ORC4: variants seen among roughly 807,000 people sequenced by gnomAD.
ORC4 encodes the protein origin recognition complex subunit 4, also known as origin recognition complex, subunit 4 homolog.
Under a neutral mutation model 63.9 loss-of-function variants are expected in ORC4, and 55 were observed. That is an observed-to-expected ratio of 0.86 (90% CI 0.69 to 1.08). The LOEUF (loss-of-function observed/expected upper bound fraction) is 1.08, where lower values mean the gene tolerates loss of function less well. Ranked by LOEUF, ORC4 falls within the 50% of genes least tolerant of loss-of-function variation. The pLI is 0.00. For missense variants in ORC4, 511 were observed against 504.4 expected, an observed-to-expected ratio of 1.01 and a Z score of -0.13; for synonymous variants, 150 against 168.5, an observed-to-expected ratio of 0.89 and a Z score of 0.85.
chr2:147,983,952 A>G (rs1396230100), intron 1 of ORC4, among the ~76,000 whole-genome samples: 1 of 152,234 alleles, frequency 6.6e-6, no homozygotes, highest in Non-Finnish European at 1.5e-5. Context: ...GATGCAGAAC[A>G]GTGCCAGAAA....
At chr2:148,010,782 C>G (rs908075823) in intron 1 of ORC4, among the ~76,000 whole-genome samples, 1 of 151,864 alleles carries the variant, frequency 6.6e-6, no homozygotes, top group Non-Finnish European at 1.5e-5. Flanking sequence ...TAACATCAAT[C>G]CTACTCAAAT....
intron 1 of ORC4, among the ~76,000 whole-genome samples, chr2:148,000,516 A>G: frequency 6.6e-6 from 1 of 152,150 alleles, no homozygotes. Context: ...TATAAATATA[A>G]TACCACAGAA....
chr2:147,973,654 T>A (rs985525242), intron 2 of ORC4, 130 bp from the exon 3 acceptor site: 26 of 596,990 alleles, frequency 4.4e-5, no homozygotes, highest in African/African-American at 3.8e-4. Context: ...TAAATTCTTA[T>A]CCTCTAGAGT....
chr2:148,013,219 C>A (rs1693080469), intron 1 of ORC4, among the ~76,000 whole-genome samples: 2 of 151,794 alleles, frequency 1.3e-5, no homozygotes, highest in South Asian at 4.2e-4. Flanking sequence ...AAATGTGGTA[C>A]ATATACACAA....
At chr2:147,987,925 C>T (rs576926591) in intron 1 of ORC4, among the ~76,000 whole-genome samples, 15 of 151,704 alleles carry the variant, frequency 9.9e-5, no homozygotes, top group Admixed American at 2.0e-4. Flanking sequence ...TGGTGGCCGG[C>T]GCCTATAGTC....
chr2:147,993,191 G>A (rs575160927), intron 1 of ORC4, among the ~76,000 whole-genome samples: 5 of 152,110 alleles, frequency 3.3e-5, no homozygotes, highest in East Asian at 1.9e-4. Flanking sequence ...CCCATGTCAC[G>A]TAACACCAAG....
intron 1 of ORC4, among the ~76,000 whole-genome samples, chr2:147,995,286 T>C (rs1459597857): frequency 4.0e-5 from 6 of 150,460 alleles, no homozygotes; most frequent in Admixed American, 2.0e-4. Flanking sequence ...AGCTAAAGGA[T>C]TGTAAATGCA....
In ORC4 at chr2:147,958,334, C is replaced by T; in HGVS notation, c.351G>A (p.Gln117=). 1 of 1,612,184 alleles carries T rather than the reference C, an allele frequency of 6.2e-7. No individual in the cohort carries two copies. Among genetic ancestry groups the T allele is most frequent in the South Asian group, 1.1e-5 (1 of 90,946 alleles). The part of the protein sequence containing the change: ...DKIALKEITR[Q]LNLENVVGDK... ...CTCCAACTACATTTTCCAGATTTAA[C>T]TGCCTTGTGATTTCCTTTAGGGCGA... The change falls in exon 6 of 14, where the codon CAG becomes CAA. Residue 117 remains glutamine, a synonymous_variant. Coordinates refer to ENST00000392857, the MANE Select transcript of ORC4 (RefSeq NM_181741.4).
intron 1 of ORC4, among the ~76,000 whole-genome samples, 181 bp from the exon 2 acceptor site, chr2:147,976,156 A>T (rs1225900382): frequency 6.6e-6 from 1 of 152,156 alleles, no homozygotes; most frequent in African/African-American, 2.4e-5. Flanking sequence ...CAACACTCTC[A>T]TACCACACTT....
At chr2:148,009,819 C>T (rs1474547951) in intron 1 of ORC4, among the ~76,000 whole-genome samples, 2 of 152,160 alleles carry the variant, frequency 1.3e-5, no homozygotes, top group Admixed American at 6.5e-5. Context: ...ATTCTCCAAT[C>T]AAAAGACACA....
intron 1 of ORC4, among the ~76,000 whole-genome samples, chr2:147,983,688 C>T (rs1264286329): frequency 6.6e-6 from 1 of 152,194 alleles, no homozygotes; most frequent in East Asian, 1.9e-4. Context: ...GCCATGAAAG[C>T]CAACAAGACT....
At chr2:147,990,870 G>T (rs769071722) in intron 1 of ORC4, among the ~76,000 whole-genome samples, 5 of 151,942 alleles carry the variant, frequency 3.3e-5, no homozygotes, top group South Asian at 2.1e-4. Flanking sequence ...TACTTAAACT[G>T]ATTAAATAAT....
chr2:147,964,035 T>C (rs1573800881), intron 4 of ORC4, among the ~76,000 whole-genome samples: 1 of 151,996 alleles, frequency 6.6e-6, no homozygotes, highest in African/African-American at 2.4e-5. Context: ...TCAATCAACA[T>C]AGGGACACAT....
chr2:147,943,299 T>C, intron 10 of ORC4, 137 bp downstream of exon 10: 1 of 680,584 alleles, frequency 1.5e-6, no homozygotes. Flanking sequence ...GCTTGTAATG[T>C]CAGCACTTAG....
chr2:148,019,401 C>A (rs966192039), intron 1 of ORC4, among the ~76,000 whole-genome samples: 3 of 152,156 alleles, frequency 2.0e-5, no homozygotes, highest in Non-Finnish European at 4.4e-5. Context: ...ACCAGCCTGA[C>A]CAACATGGTG....
intron 1 of ORC4, among the ~76,000 whole-genome samples, chr2:147,989,386 T>A (rs886798923): frequency 6.6e-6 from 1 of 152,100 alleles, no homozygotes; most frequent in Non-Finnish European, 1.5e-5. Flanking sequence ...TGTTTTCTCA[T>A]ACCCATTTGT....
intron 1 of ORC4, 112 bp from the exon 2 acceptor site, chr2:147,976,087 C>G (rs879019911): frequency 4.3e-5 from 30 of 691,876 alleles, no homozygotes; most frequent in South Asian, 4.3e-4. Flanking sequence ...AAAAAATGCT[C>G]AAACCCTAAG....
At chr2:148,010,564 C>T (rs1692904583) in intron 1 of ORC4, among the ~76,000 whole-genome samples, 1 of 152,008 alleles carries the variant, frequency 6.6e-6, no homozygotes, top group Admixed American at 6.5e-5. Context: ...ATTTGAACAA[C>T]TGCATGCCAA....
intron 7 of ORC4, among the ~76,000 whole-genome samples, chr2:147,952,827 G>T (rs1432249338): frequency 6.6e-6 from 1 of 151,920 alleles, no homozygotes; most frequent in Non-Finnish European, 1.5e-5. Flanking sequence ...GGGAGTTCGA[G>T]ACCAGCCTGA....
Sources: gnomAD v4.1 joint callset for allele counts (sites outside exome capture counted in the v4.1 genomes callset) on GRCh38, gnomAD v4.1.1 for gene constraint, MANE v1.5 for transcripts, NCBI Gene and HGNC (gene_info 2026-07-23, HGNC 2026-07-21) for gene names.